The following SH3BP4 variants were observed in gnomAD, a reference collection of about 807,000 sequenced individuals.
SH3BP4 encodes the protein SH3 domain-binding protein 4.
A neutral mutation model predicts 65.5 loss-of-function variants in SH3BP4; 33 were observed. The observed-to-expected ratio is 0.50, with a 90% confidence interval of 0.38 to 0.67. The LOEUF is 0.67. Among genes scored for constraint, SH3BP4 ranks in the 30% least tolerant of loss-of-function variants. SH3BP4 has a pLI of 0.00. For missense variants in SH3BP4, 1,134 were observed against 1,261.4 expected (o/e 0.90, Z 1.53); for synonymous variants, 552 against 545.5 (o/e 1.01, Z -0.17).
Position 235,041,926 on chromosome 2 carries a change from A to T in SH3BP4, c.1157A>T (p.Glu386Val), listed in dbSNP as rs770183437. 6.2e-7 allele frequency: 1 copy of T among 1,613,688 alleles called. No homozygotes were observed. The highest frequency in any genetic ancestry group is 8.5e-7 in the Non-Finnish European group (1 of 1,179,772). Residue 386 changes from glutamate (E) to valine (V), a missense_variant, in exon 4 of 6, where the codon GAG (glutamate) becomes GTG (valine). Coordinates refer to ENST00000392011, the MANE Select transcript of SH3BP4 (RefSeq NM_014521.3). This position sits in a 1 kb window ranked among gnomAD's most constrained non-coding sequence, Gnocchi z 6.0. ...CTGGAGGTCAAGCTGAGCAACCTGG[A>T]GGTGAAAACCTCTATCATCTTGGAG... Reference protein sequence around the residue: ...PVLEVKLSNLEVKTSIILEMK... With the variant: ...PVLEVKLSNLVVKTSIILEMK...
chr2:234,982,375 G>A (rs1434483889), intron 1 of SH3BP4, among the ~76,000 whole-genome samples: 1 of 152,176 alleles, frequency 6.6e-6, no homozygotes, highest in African/African-American at 2.4e-5. Context: ...ACTTTATGGA[G>A]GCGGAATGGA....
At chr2:235,018,044 G>C (rs1239438156) in intron 2 of SH3BP4, among the ~76,000 whole-genome samples, 2 of 152,186 alleles carry the variant, frequency 1.3e-5, no homozygotes, top group African/African-American at 4.8e-5. Context: ...CCATGGCCCA[G>C]GGTGAGCGGG....
chr2:235,040,755 T>A (rs1372034183), intron 3 of SH3BP4, 133 bp from the exon 4 acceptor site: 1 of 747,228 alleles, frequency 1.3e-6, no homozygotes, highest in African/African-American at 1.7e-5. Flanking sequence ...TTCACTTTGG[T>A]TTGTTTCTGT....
chr2:234,970,005 T>G (rs1180122122), intron 1 of SH3BP4, among the ~76,000 whole-genome samples: 3 of 148,436 alleles, frequency 2.0e-5, no homozygotes, highest in African/African-American at 7.7e-5. Flanking sequence ...ACACTCGCTG[T>G]CTCACACACA....
At chr2:235,044,338 C>T (rs1695774362) in intron 4 of SH3BP4, among the ~76,000 whole-genome samples, 2 of 152,274 alleles carry the variant, frequency 1.3e-5, no homozygotes, top group Admixed American at 6.5e-5. Context: ...TCAACGCTTT[C>T]TTAGCACTGC....
At chr2:234,980,894 G>A (rs1693356708) in intron 1 of SH3BP4, among the ~76,000 whole-genome samples, 1 of 152,006 alleles carries the variant, frequency 6.6e-6, no homozygotes, top group Non-Finnish European at 1.5e-5. Flanking sequence ...AGTGCTTTTC[G>A]TTTTTGTTTT....
At position 235,055,053 on chromosome 2, in the gene SH3BP4, AG is replaced by A. The variant is rs1476577533; in HGVS notation, c.*1238del. ...TCACATAAAATCAGGAACTTGACAC[AG>A]TGTTGCATTAATAACTTTAGGGTGC... On this transcript the variant is annotated 3_prime_UTR_variant, in exon 6 of 6. Coordinates refer to ENST00000392011, the MANE Select transcript of SH3BP4 (RefSeq NM_014521.3). The A allele has an allele frequency of 6.6e-6, 1 of 152,250 alleles. No individual in the cohort carries two copies. Among genetic ancestry groups the A allele is most frequent in the Non-Finnish European group, 1.5e-5 (1 of 68,050 alleles). 9.4% of individuals were successfully genotyped at this position (152,250 alleles called of 1,614,324 possible). A position where few individuals can be genotyped will look rare whatever the true frequency, so the allele number is the denominator to read the frequency against.
intron 2 of SH3BP4, among the ~76,000 whole-genome samples, chr2:235,021,816 G>A (rs925620392): frequency 6.6e-5 from 10 of 152,054 alleles, no homozygotes; most frequent in Non-Finnish European, 1.2e-4. Context: ...GAACAGCCCC[G>A]ATTCAGACCC....
chr2:234,953,587 G>C (rs976217557), intron 1 of SH3BP4, among the ~76,000 whole-genome samples: 4 of 152,124 alleles, frequency 2.6e-5, no homozygotes, highest in Non-Finnish European at 5.9e-5. Flanking sequence ...TAAAAATGAA[G>C]GTAATGATTC....
Position 235,047,797 on chromosome 2 carries a change from G to T in SH3BP4, c.2478+4550G>T, listed in dbSNP as rs191466610. On this transcript the variant is annotated intron_variant, in intron 4 of 5. Transcript: ENST00000392011. Reference sequence around the variant, plus strand: ...GGTGTGGTGACCTGGAGCCGTCGGTGATGGCTGTAGCAGGGGCGTTTTGGT... The same window carrying T: ...GGTGTGGTGACCTGGAGCCGTCGGTTATGGCTGTAGCAGGGGCGTTTTGGT... Among the ~76,000 whole-genome samples the T allele has an allele frequency of 1.2e-4, 18 of 152,310 alleles. No individual in the cohort carries two copies. In the East Asian group the frequency reaches 3.3e-3, roughly 28 times the overall value.
rs1695734135 is a variant in SH3BP4, at chr2:235,043,154, C to T, written c.2385C>T (p.Pro795=). 5 of 1,612,754 alleles carry T rather than the reference C, an allele frequency of 3.1e-6. No individual in the cohort carries two copies. The highest frequency in any genetic ancestry group is 1.1e-5 in the South Asian group (1 of 91,002). Residue 795 remains proline (P), a synonymous_variant, in exon 4 of 6, where the codon CCC becomes CCT. Coordinates refer to ENST00000392011, the MANE Select transcript of SH3BP4 (RefSeq NM_014521.3). ...GCCGGGCAGAGCTGGATAGTGAGCC[C>T]GAGCGGGTGGCGTCCGTCCTAGAAA... ...FFCRAELDSE[P]ERVASVLEKL... is the part of the protein sequence containing the mutation.
Position 235,035,134 on chromosome 2 carries a change from G to C in SH3BP4, c.118+14G>C. On this transcript the variant is annotated intron_variant, in intron 3 of 5. Coordinates refer to ENST00000392011, the MANE Select transcript of SH3BP4 (RefSeq NM_014521.3). The surrounding 1 kb of genome is among the most constrained non-coding windows in gnomAD (Gnocchi z 5.0). ...ATGACATCAAAGGTGAGCTTCTGGG[G>C]AACAGGACTGTGGCTAAGGGAGAAC... is the stretch of plus-strand genomic sequence containing the variant. 3.2e-6 allele frequency: 5 copies of C among 1,578,906 alleles called. No homozygotes were observed. The highest frequency in any genetic ancestry group is 4.4e-6 in the Non-Finnish European group (5 of 1,147,810).
intron 4 of SH3BP4, among the ~76,000 whole-genome samples, chr2:235,047,006 C>T (rs973415796): frequency 1.3e-5 from 2 of 152,152 alleles, no homozygotes; most frequent in African/African-American, 4.8e-5. Context: ...AGCCTCTGTC[C>T]GTGATGGTGT....
chr2:234,966,551 C>T (rs747992667), intron 1 of SH3BP4, among the ~76,000 whole-genome samples: 2 of 152,124 alleles, frequency 1.3e-5, no homozygotes, highest in Non-Finnish European at 2.9e-5. Flanking sequence ...TTAATGTGTC[C>T]GTGAACATAG....
At position 235,042,603 on chromosome 2, in the gene SH3BP4, C is replaced by T. The variant is rs1695704788; in HGVS notation, c.1834C>T (p.Pro612Ser). The change falls in exon 4 of 6, where the codon CCC becomes TCC. Residue 612 changes from proline to serine, a missense_variant. Physicochemically the swap from Pro to Ser is moderately conservative, Grantham distance 74. Coordinates refer to ENST00000392011, the MANE Select transcript of SH3BP4 (RefSeq NM_014521.3). The surrounding 1 kb of genome is among the most constrained non-coding windows in gnomAD (Gnocchi z 7.3). ...TQFCVQTPQP[P>S]PKSAIKPSGQ... is the part of the protein sequence containing the mutation. ...GTTTTGTGTCCAGACTCCTCAGCCA[C>T]CCCCTAAAAGTGCCATCAAGCCTTC... 12 of 1,614,094 alleles carry T rather than the reference C, an allele frequency of 7.4e-6. No homozygotes were observed. In the East Asian group the frequency reaches 2.0e-4, roughly 27 times the overall value.
intron 1 of SH3BP4, among the ~76,000 whole-genome samples, chr2:234,954,014 C>T (rs767923819): frequency 9.2e-5 from 14 of 151,760 alleles, no homozygotes; most frequent in South Asian, 2.1e-4. Context: ...GTGGAATGCC[C>T]GGGCCGTGCT....
chr2:235,031,136 C>T (rs1695187474), intron 2 of SH3BP4, among the ~76,000 whole-genome samples: 1 of 152,102 alleles, frequency 6.6e-6, no homozygotes, highest in Non-Finnish European at 1.5e-5. Context: ...AACATGATGG[C>T]TTCTGGGCCC....
intron 3 of SH3BP4, among the ~76,000 whole-genome samples, chr2:235,040,454 C>G (rs1695594450): frequency 6.6e-6 from 1 of 151,514 alleles, no homozygotes; most frequent in Non-Finnish European, 1.5e-5. Flanking sequence ...TTTCCAGTCC[C>G]TGATCACATG....
chr2:234,998,239 C>T (rs1276279706), intron 2 of SH3BP4, among the ~76,000 whole-genome samples: 3 of 152,308 alleles, frequency 2.0e-5, no homozygotes, highest in South Asian at 2.1e-4. Flanking sequence ...TGGGGGGGCA[C>T]GTGAACCACG....
Sources: allele counts gnomAD v4.1 joint callset (sites outside exome capture counted in the v4.1 genomes callset), GRCh38; gene constraint gnomAD v4.1.1; non-coding constraint Gnocchi (gnomAD v3.1); transcripts MANE v1.5; gene names NCBI Gene and HGNC (gene_info 2026-07-23, HGNC 2026-07-21).